MDN1: variants seen among roughly 807,000 people sequenced by gnomAD.
The protein encoded by MDN1 is midasin.
A neutral mutation model predicts 669.2 loss-of-function variants in MDN1; 266 were observed. That is an observed-to-expected ratio of 0.40 (90% CI 0.36 to 0.44). The LOEUF is 0.44. Among genes scored for constraint, MDN1 ranks in the 20% least tolerant of loss-of-function variants. The pLI, the probability that MDN1 is intolerant of heterozygous loss-of-function variation, is 1.00. For synonymous variants in MDN1, 2,385 were observed against 2,457.1 expected (o/e 0.97, Z 0.87); for missense variants, 5,940 against 6,754.0 (o/e 0.88, Z 4.22).
intron 14 of MDN1, 145 bp downstream of exon 14, chr6:89,772,428 C>G (rs936093132): frequency 2.7e-6 from 2 of 746,032 alleles, no homozygotes; most frequent in African/African-American, 3.5e-5. Flanking sequence ...AATCTATTAA[C>G]AGTAGTTATT....
chr6:89,688,405 G>T (rs1337374074), intron 66 of MDN1, among the ~76,000 whole-genome samples, 168 bp downstream of exon 66: 2 of 152,164 alleles, frequency 1.3e-5, no homozygotes, highest in Non-Finnish European at 2.9e-5. Context: ...TACAAAACTG[G>T]TGTGTTCATC....
rs1819053953 is a variant in MDN1, at chr6:89,787,970, A to T, written c.1231-13T>A. 2.5e-6 allele frequency: 4 copies of T among 1,588,708 alleles called. No homozygotes were observed. In the South Asian group the frequency reaches 4.4e-5, roughly 18 times the overall value. ...TCAGCACAGAAACCTAAATCAGATA[A>T]CAACAACCGCACTGATAAAGTAAAG... On this transcript the variant is annotated splice_polypyrimidine_tract_variant and intron_variant, in intron 7 of 101. Coordinates refer to ENST00000369393, the MANE Select transcript of MDN1 (RefSeq NM_014611.3).
At chr6:89,791,516 T>C (rs1214869177) in intron 5 of MDN1, among the ~76,000 whole-genome samples, 5 of 152,200 alleles carry the variant, frequency 3.3e-5, no homozygotes, top group African/African-American at 9.7e-5. Context: ...TGAAATGTAA[T>C]TGATAATTAT....
At chr6:89,720,428 A>G (rs1411439162) in intron 40 of MDN1, among the ~76,000 whole-genome samples, 1 of 151,798 alleles carries the variant, frequency 6.6e-6, no homozygotes, top group Non-Finnish European at 1.5e-5. Flanking sequence ...TTCCCAATCT[A>G]GCTCTTTGGT....
chr6:89,818,928 C>T (rs2128333974), intron 1 of MDN1, among the ~76,000 whole-genome samples: 1 of 152,286 alleles, frequency 6.6e-6, no homozygotes, highest in South Asian at 2.1e-4. Context: ...TAGTTAGTTA[C>T]AGTGAGTATG....
chr6:89,663,346 A>AT (rs562316189), intron 85 of MDN1, among the ~76,000 whole-genome samples: 110 of 152,020 alleles, frequency 7.2e-4, no homozygotes, highest in African/African-American at 2.2e-3. Flanking sequence ...TACTGCTATG[A>AT]TTTTTTCCAA....
At position 89,715,672 on chromosome 6, in the gene MDN1, T is replaced by C. The variant is rs1420509276; in HGVS notation, c.6841A>G (p.Thr2281Ala). 1 of 1,608,204 alleles carries C rather than the reference T, an allele frequency of 6.2e-7. No homozygotes were observed. The highest frequency in any genetic ancestry group is 1.1e-5 in the South Asian group (1 of 90,940). The change falls in exon 45 of 102, where the codon ACA (threonine) becomes GCA (alanine). Residue 2281 changes from threonine to alanine, a missense_variant. This residue lies in a region of MDN1 where 2,292 missense variants were observed against 2,638.3 expected (regional missense o/e 0.87). Coordinates refer to ENST00000369393, the MANE Select transcript of MDN1 (RefSeq NM_014611.3). ...AAATACCTGAAATTGGGATTTGGTG[T>C]TATCGTGGGAGTGGATCCATCTATC... ...GMIDGSTPTITPNPNFRLFLS... is the reference protein window; with the variant it reads ...GMIDGSTPTIAPNPNFRLFLS...
At chr6:89,742,991 T>C (rs1816371114) in intron 31 of MDN1, among the ~76,000 whole-genome samples, 159 bp downstream of exon 31, 1 of 151,754 alleles carries the variant, frequency 6.6e-6, no homozygotes, top group Non-Finnish European at 1.5e-5. Flanking sequence ...AAAAATCACA[T>C]CAATCACCTG....
At chr6:89,682,421 A>C (rs1811677102) in intron 73 of MDN1, among the ~76,000 whole-genome samples, 2 of 152,106 alleles carry the variant, frequency 1.3e-5, no homozygotes, top group African/African-American at 4.8e-5. Flanking sequence ...TTAAGACTAA[A>C]AGTTCGGCCA....
chr6:89,719,500 G>A (rs753282052), intron 40 of MDN1, among the ~76,000 whole-genome samples: 5 of 152,122 alleles, frequency 3.3e-5, no homozygotes, highest in African/African-American at 7.2e-5. Context: ...TGAAGCCATG[G>A]ACACTGTAGT....
intron 70 of MDN1, 144 bp downstream of exon 70, chr6:89,685,683 T>C (rs928530533): frequency 2.3e-6 from 2 of 881,604 alleles, no homozygotes; most frequent in Admixed American, 2.9e-5. Context: ...CTTCTCTATA[T>C]CTAATGTGAA....
chr6:89,813,547 C>T (rs1456071381), intron 1 of MDN1, among the ~76,000 whole-genome samples: 2 of 129,584 alleles, frequency 1.5e-5, no homozygotes, highest in African/African-American at 2.8e-5. Context: ...CAGACTCTGT[C>T]TCAAAAAAAA....
At chr6:89,750,966 G>C (rs534145104) in intron 23 of MDN1, among the ~76,000 whole-genome samples, 3 of 129,838 alleles carry the variant, frequency 2.3e-5, no homozygotes, top group Admixed American at 1.7e-4. Context: ...ATCATTAAAA[G>C]AGCATTTTTT....
Position 89,705,126 on chromosome 6 carries a change from A to G in MDN1, c.8148+933T>C, listed in dbSNP as rs543951157. Among the ~76,000 whole-genome samples, 199 of 152,252 alleles carry G rather than the reference A, an allele frequency of 1.3e-3. 1 individual carries two copies. Among genetic ancestry groups the G allele is most frequent in the Non-Finnish European group, 2.3e-3 (156 of 68,046 alleles). The stretch of plus-strand genomic sequence containing the variant: ...GAATCCATCTTTTCACAAGCCAGAC[A>G]TACAGAGACTTGCAGGAATGTACAA... On this transcript the variant is annotated intron_variant, in intron 53 of 101. Coordinates refer to ENST00000369393, the MANE Select transcript of MDN1 (RefSeq NM_014611.3).
intron 43 of MDN1, among the ~76,000 whole-genome samples, chr6:89,717,920 C>T (rs1048223137): frequency 6.6e-6 from 1 of 152,148 alleles, no homozygotes; most frequent in African/African-American, 2.4e-5. Context: ...AAAGTGGCAC[C>T]ACAAAATGAG....
intron 8 of MDN1, among the ~76,000 whole-genome samples, chr6:89,785,954 T>A (rs1287119056): frequency 6.7e-6 from 1 of 149,918 alleles, no homozygotes; most frequent in East Asian, 2.0e-4. Flanking sequence ...GGCAACAAAT[T>A]GAGGCCTCAT....
chr6:89,729,567 C>A (rs764349717), intron 35 of MDN1, among the ~76,000 whole-genome samples: 1 of 152,122 alleles, frequency 6.6e-6, no homozygotes, highest in Non-Finnish European at 1.5e-5. Flanking sequence ...CAAAACAATT[C>A]ACACTGTGTC....
chr6:89,688,264 C>T (rs890170805), intron 66 of MDN1, 91 bp from the exon 67 acceptor site: 18 of 1,187,184 alleles, frequency 1.5e-5, no homozygotes, highest in Non-Finnish European at 2.2e-5. Flanking sequence ...GAAGATTCCC[C>T]CCAGTTCTCT....
In MDN1 at chr6:89,715,691, A is replaced by C. The variant is rs1385642686; in HGVS notation, c.6822T>G (p.Asp2274Glu). ...TTGGTGTTATCGTGGGAGTGGATCC[A>C]TCTATCATTCCTCTCTCACTAATAG... Reference protein sequence around the residue: ...VLTISERGMIDGSTPTITPNP... With the variant: ...VLTISERGMIEGSTPTITPNP... The change falls in exon 45 of 102, where the codon GAT becomes GAG. Residue 2274 changes from aspartate to glutamate, a missense_variant. By Grantham distance (45) the Asp-to-Glu change is conservative. Around this residue, in one of 5 missense-constraint regions of MDN1, gnomAD observed 2,292 missense variants for 2,638.3 expected, o/e 0.87. Coordinates refer to ENST00000369393, the MANE Select transcript of MDN1 (RefSeq NM_014611.3). 1.9e-6 allele frequency: 3 copies of C among 1,613,250 alleles called. No homozygotes were observed. Among genetic ancestry groups the C allele is most frequent in the Non-Finnish European group, 2.5e-6 (3 of 1,179,258 alleles).
Sources: allele counts gnomAD v4.1 joint callset (sites outside exome capture counted in the v4.1 genomes callset), GRCh38; gene constraint gnomAD v4.1.1; regional missense constraint gnomAD v4.1.1; transcripts MANE v1.5; gene names NCBI Gene and HGNC (gene_info 2026-07-23, HGNC 2026-07-21).